AUTS2: variants seen among roughly 807,000 people sequenced by gnomAD.
The protein encoded by AUTS2 is autism susceptibility gene 2 protein.
AUTS2 carries 17 observed loss-of-function variants against 112.4 expected under a neutral mutation model. That is an observed-to-expected ratio of 0.15 (90% confidence interval 0.10 to 0.23). The LOEUF (loss-of-function observed/expected upper bound fraction) is 0.23. Ranked by LOEUF, AUTS2 falls within the 10% of genes least tolerant of loss-of-function variation. The probability of loss-of-function intolerance (pLI) is 1.00; values close to 1 mark genes in which losing one functional copy is unlikely to be tolerated. For missense variants in AUTS2, 1,510 were observed against 1,701.6 expected (o/e 0.89, Z 1.98); for synonymous variants, 751 against 702.7 (o/e 1.07, Z -1.09).
At chr7:69,964,101 T>A (rs1202712357) in intron 2 of AUTS2, among the ~76,000 whole-genome samples, 2 of 152,176 alleles carry the variant, frequency 1.3e-5, no homozygotes, top group Non-Finnish European at 2.9e-5. Context: ...GTGTTCTTAT[T>A]AATTCCTACT....
chr7:69,995,558 T>C (rs1798910726), intron 2 of AUTS2, among the ~76,000 whole-genome samples: 1 of 152,170 alleles, frequency 6.6e-6, no homozygotes, highest in Non-Finnish European at 1.5e-5. Flanking sequence ...ACTTAATACT[T>C]AGGAGTTGTT....
Position 70,095,015 on chromosome 7 carries a change from G to A in AUTS2, c.523-23117G>A, listed in dbSNP as rs141815963. Among the ~76,000 whole-genome samples the A allele has an allele frequency of 3.3e-5, 5 of 152,248 alleles. No individual in the cohort carries two copies. In the South Asian group the frequency reaches 6.2e-4, roughly 19 times the overall value. ...GTTTGATGTTGCAAATACCAAGCCC[G>A]CAGGGAGATCTGCAAAGAGGATATT... On this transcript the variant is annotated intron_variant, in intron 2 of 18. Transcript: ENST00000342771.
At chr7:70,775,036 C>G (rs929707286) in intron 12 of AUTS2, 1 of 368,474 alleles carries the variant, frequency 2.7e-6, no homozygotes, top group Admixed American at 4.6e-5. Flanking sequence ...CAGACCTACC[C>G]GGTGTGGTTT....
chr7:70,606,381 C>T (rs959785425), intron 5 of AUTS2, among the ~76,000 whole-genome samples: 1 of 152,140 alleles, frequency 6.6e-6, no homozygotes, highest in Admixed American at 6.5e-5. Context: ...TCAATAATTA[C>T]ATTAATGATG....
intron 6 of AUTS2, among the ~76,000 whole-genome samples, chr7:70,760,296 C>T (rs891437562): frequency 1.1e-4 from 17 of 152,226 alleles, no homozygotes; most frequent in South Asian, 2.1e-4. Context: ...TGAGCCACCG[C>T]ACCCGGCCTA....
chr7:70,720,036 G>C (rs1810578585), intron 6 of AUTS2, among the ~76,000 whole-genome samples: 1 of 152,132 alleles, frequency 6.6e-6, no homozygotes, highest in Non-Finnish European at 1.5e-5. Flanking sequence ...CAGATCTCTA[G>C]CCTGACGTCT....
At chr7:70,687,603 T>C (rs1808537430) in intron 5 of AUTS2, among the ~76,000 whole-genome samples, 1 of 152,226 alleles carries the variant, frequency 6.6e-6, no homozygotes, top group African/African-American at 2.4e-5. Context: ...CATCATAAAC[T>C]AATCCAGTTC....
At chr7:70,013,507 C>G (rs906957786) in intron 2 of AUTS2, among the ~76,000 whole-genome samples, 1 of 152,166 alleles carries the variant, frequency 6.6e-6, no homozygotes, top group Non-Finnish European at 1.5e-5. Context: ...CATTTCCCCT[C>G]TCCACATTTG....
chr7:69,677,889 A>C (rs1796627860), intron 1 of AUTS2, among the ~76,000 whole-genome samples: 1 of 152,178 alleles, frequency 6.6e-6, no homozygotes, highest in South Asian at 2.1e-4. Context: ...TTATAAGTGC[A>C]GTTTTCAAAT....
At chr7:69,759,254 AT>A (rs368263173) in intron 1 of AUTS2, among the ~76,000 whole-genome samples, 3 of 148,192 alleles carry the variant, frequency 2.0e-5, no homozygotes, top group East Asian at 2.0e-4. Context: ...CAGGTTTTTG[AT>A]TTTTTTTTTC....
chr7:70,359,178 A>G (rs1174161139), intron 4 of AUTS2, among the ~76,000 whole-genome samples: 1 of 152,262 alleles, frequency 6.6e-6, no homozygotes, highest in East Asian at 1.9e-4. Context: ...GAAACAAAGC[A>G]TTATATTGAC....
intron 1 of AUTS2, among the ~76,000 whole-genome samples, chr7:69,782,176 G>C (rs990697558): frequency 6.6e-6 from 1 of 152,000 alleles, no homozygotes; most frequent in African/African-American, 2.4e-5. Flanking sequence ...ACCAGCCTGG[G>C]CAGCATAGTG....
chr7:70,106,872 T>A (rs562796938), intron 2 of AUTS2, among the ~76,000 whole-genome samples: 1 of 152,322 alleles, frequency 6.6e-6, no homozygotes, highest in Non-Finnish European at 1.5e-5. Flanking sequence ...GAAAAAAGTT[T>A]TTGCTGTAGT....
At chr7:69,602,020 G>GTATATATATATATATATATATATATA (rs1173266676) in intron 1 of AUTS2, among the ~76,000 whole-genome samples, 1 of 68,384 alleles carries the variant, frequency 1.5e-5, no homozygotes, top group African/African-American at 5.0e-5. Flanking sequence ...ATGTGTGTGT[G>GTATATATATATATATATATATATATA]TATATATATA....
Position 70,789,965 on chromosome 7 carries a change from C to G in AUTS2, c.2749C>G (p.Pro917Ala). 7 of 1,613,184 alleles carry G rather than the reference C, an allele frequency of 4.3e-6. No homozygotes were observed. The highest frequency in any genetic ancestry group is 5.1e-6 in the Non-Finnish European group (6 of 1,179,714). The stretch of plus-strand genomic sequence containing the variant: ...GCACAAGGCGAAAGAGGGCCACCTG[C>G]CCGAGAAGGACGGGCACGGCCACGA... ...DEHKAKEGHL[P>A]EKDGHGHEGR... Residue 917 changes from proline to alanine, a missense_variant, in exon 19 of 19, where the codon CCC becomes GCC. Coordinates refer to ENST00000342771, the MANE Select transcript of AUTS2 (RefSeq NM_015570.4).
At chr7:70,243,401 T>C (rs1278142238) in intron 4 of AUTS2, among the ~76,000 whole-genome samples, 1 of 152,090 alleles carries the variant, frequency 6.6e-6, no homozygotes, top group Non-Finnish European at 1.5e-5. Context: ...TGGTGGATGA[T>C]TCAGTTTGAA....
chr7:70,017,007 G>A (rs999174089), intron 2 of AUTS2, among the ~76,000 whole-genome samples: 1 of 152,040 alleles, frequency 6.6e-6, no homozygotes, highest in Non-Finnish European at 1.5e-5. Context: ...GATAGAGAAT[G>A]GTATACAAGT....
At chr7:70,517,253 A>T (rs1799453376) in intron 5 of AUTS2, among the ~76,000 whole-genome samples, 1 of 152,158 alleles carries the variant, frequency 6.6e-6, no homozygotes, top group African/African-American at 2.4e-5. Context: ...AACACTGGGG[A>T]GGTTCTCAAG....
At chr7:69,932,637 A>G (rs545599833) in intron 2 of AUTS2, among the ~76,000 whole-genome samples, 1 of 152,314 alleles carries the variant, frequency 6.6e-6, no homozygotes, top group African/African-American at 2.4e-5. Context: ...GCTTCTGTTG[A>G]TTAGTACAGT....
Sources: gnomAD v4.1 joint callset for allele counts (sites outside exome capture counted in the v4.1 genomes callset) on GRCh38, gnomAD v4.1.1 for gene constraint, MANE v1.5 for transcripts, NCBI Gene and HGNC (gene_info 2026-07-23, HGNC 2026-07-21) for gene names.